Variants in TMEM45B observed in about 807,000 individuals in gnomAD.
TMEM45B encodes transmembrane protein 45B.
TMEM45B carries 29 observed loss-of-function variants against 27.3 expected under a neutral mutation model. The observed-to-expected ratio is 1.06, with a 90% CI of 0.79 to 1.45. The LOEUF (loss-of-function observed/expected upper bound fraction) is 1.45. Ranked by LOEUF, TMEM45B falls within the 40% of genes most tolerant of loss-of-function variation. The probability of loss-of-function intolerance (pLI) is 0.00; values close to 1 mark genes in which losing one functional copy is unlikely to be tolerated. For missense variants in TMEM45B, 348 were observed against 343.9 expected, an observed-to-expected ratio of 1.01 and a Z score of -0.09; for synonymous variants, 143 against 134.7, an observed-to-expected ratio of 1.06 and a Z score of -0.43.
rs1416619188 is a variant in TMEM45B, at chr11:129,859,272, T to C, written c.*587T>C. Reference sequence around the variant, plus strand: ...CAGGGTACTGCAATACCACTGTTTATAAGTGACAAAATTAGGCCAAAGGTG... The same window carrying C: ...CAGGGTACTGCAATACCACTGTTTACAAGTGACAAAATTAGGCCAAAGGTG... On this transcript the variant is annotated 3_prime_UTR_variant, in exon 6 of 6. Transcript: ENST00000281441. The C allele has an allele frequency of 1.3e-5, 2 of 152,190 alleles. No individual in the cohort carries two copies. The highest frequency in any genetic ancestry group is 2.1e-4 in the South Asian group (1 of 4,830). 9.4% of individuals were successfully genotyped at this position (152,190 alleles called of 1,614,324 possible).
intron 1 of TMEM45B, among the ~76,000 whole-genome samples, chr11:129,835,084 A>G (rs1383999931): frequency 6.6e-6 from 1 of 152,212 alleles, no homozygotes; most frequent in African/African-American, 2.4e-5. Flanking sequence ...TTTCTAAGCA[A>G]AGTACTGAAG....
chr11:129,851,807 G>A (rs1182508264), intron 1 of TMEM45B, among the ~76,000 whole-genome samples: 1 of 152,104 alleles, frequency 6.6e-6, no homozygotes, highest in Non-Finnish European at 1.5e-5. Flanking sequence ...TGTTTACATC[G>A]TTATGCTGAT....
At chr11:129,846,273 G>T (rs146947435) in intron 1 of TMEM45B, among the ~76,000 whole-genome samples, 19 of 152,300 alleles carry the variant, frequency 1.2e-4, no homozygotes, top group African/African-American at 4.6e-4. Context: ...TTCAAGACCA[G>T]CCTGGTCAAC....
chr11:129,829,448 A>C (rs1295107328), intron 1 of TMEM45B, among the ~76,000 whole-genome samples: 3 of 152,226 alleles, frequency 2.0e-5, no homozygotes, highest in Non-Finnish European at 2.9e-5. Flanking sequence ...CAATCTGACA[A>C]AATTTTAAGA....
At chr11:129,828,498 G>A (rs1283451262) in intron 1 of TMEM45B, among the ~76,000 whole-genome samples, 2 of 152,136 alleles carry the variant, frequency 1.3e-5, no homozygotes, top group Non-Finnish European at 2.9e-5. Flanking sequence ...TCAGGACTGC[G>A]GCCACAGTCA....
chr11:129,823,985 T>A (rs1027885428), intron 1 of TMEM45B, among the ~76,000 whole-genome samples: 1 of 152,212 alleles, frequency 6.6e-6, no homozygotes, highest in Non-Finnish European at 1.5e-5. Context: ...CTCCCCTACA[T>A]TGATCTACAA....
chr11:129,852,904 T>C (rs1947868700), intron 2 of TMEM45B: 2 of 363,622 alleles, frequency 5.5e-6, no homozygotes, highest in South Asian at 1.2e-4. Flanking sequence ...GACACAGGTA[T>C]GGAAAGTTGT....
chr11:129,853,657 G>T (rs1428409176), intron 2 of TMEM45B, among the ~76,000 whole-genome samples: 1 of 152,160 alleles, frequency 6.6e-6, no homozygotes, highest in African/African-American at 2.4e-5. Flanking sequence ...CACAAGCCAG[G>T]AAGTCACTGT....
intron 3 of TMEM45B, among the ~76,000 whole-genome samples, chr11:129,855,338 G>A (rs1452508690): frequency 2.0e-5 from 3 of 151,638 alleles, no homozygotes; most frequent in Non-Finnish European, 2.9e-5. Flanking sequence ...ACTGACTGGG[G>A]TATGAAAATA....
intron 1 of TMEM45B, among the ~76,000 whole-genome samples, chr11:129,849,958 T>C (rs1310336359): frequency 6.6e-6 from 1 of 152,180 alleles, no homozygotes; most frequent in Non-Finnish European, 1.5e-5. Flanking sequence ...CCCGTTCTCT[T>C]GATAACTAGC....
intron 1 of TMEM45B, among the ~76,000 whole-genome samples, chr11:129,825,989 G>GT (rs1277246593): frequency 0.014 from 2,084 of 146,884 alleles, 40 homozygotes; most frequent in African/African-American, 0.047. Flanking sequence ...GTTTTTTTTG[G>GT]TTTTTTTTTT....
intron 1 of TMEM45B, among the ~76,000 whole-genome samples, chr11:129,837,585 C>CTTTTTTTTTTTTTTTTTTTTTTT (rs200040338): frequency 0.02 from 1,637 of 80,114 alleles, 360 homozygotes; most frequent in East Asian, 0.044. Context: ...CTGCACTGGG[C>CTTTTTTTTTTTTTTTTTTTTTTT]TTTTTTTTTT....
chr11:129,833,249 ACAG>A (rs386758832), intron 1 of TMEM45B, among the ~76,000 whole-genome samples: 16 of 149,506 alleles, frequency 1.1e-4, no homozygotes, highest in East Asian at 8.0e-4. Context: ...CAAAAAATAA[ACAG>A]AAAAATAAAA....
At chr11:129,846,244 G>A (rs1947759091) in intron 1 of TMEM45B, among the ~76,000 whole-genome samples, 1 of 152,188 alleles carries the variant, frequency 6.6e-6, no homozygotes, top group South Asian at 2.1e-4. Context: ...AAGGCAGGTG[G>A]ATCACCTGAG....
chr11:129,852,785 T>A lies in TMEM45B; in HGVS notation c.178+125T>A, dbSNP rs56968077. On this transcript the variant is annotated intron_variant, in intron 2 of 5. Coordinates refer to ENST00000281441, the MANE Select transcript of TMEM45B (RefSeq NM_138788.5). Reference sequence around the variant, plus strand: ...AGATAATAGGGCAACAATTTCCTGATGGCCACTAGACTATTTTATCGTAAC... The same window carrying A: ...AGATAATAGGGCAACAATTTCCTGAAGGCCACTAGACTATTTTATCGTAAC... 1.8e-4 allele frequency: 172 copies of A among 980,120 alleles called. No individual in the cohort carries two copies. In the African/African-American group the frequency reaches 2.6e-3, roughly 15 times the overall value. 60.7% of individuals were successfully genotyped at this position (980,120 alleles called of 1,614,324 possible).
At chr11:129,825,650 G>T (rs1209980795) in intron 1 of TMEM45B, among the ~76,000 whole-genome samples, 2 of 152,194 alleles carry the variant, frequency 1.3e-5, no homozygotes, top group African/African-American at 4.8e-5. Context: ...ATGCAAGGAG[G>T]ACTGTTGAGT....
intron 1 of TMEM45B, among the ~76,000 whole-genome samples, chr11:129,841,751 C>T (rs1947697771): frequency 2.0e-5 from 3 of 151,850 alleles, no homozygotes; most frequent in Admixed American, 1.3e-4. Context: ...CACCCACTAC[C>T]ACGCCCGGCT....
At chr11:129,827,933 G>A (rs868547801) in intron 1 of TMEM45B, among the ~76,000 whole-genome samples, 14 of 152,074 alleles carry the variant, frequency 9.2e-5, no homozygotes, top group African/African-American at 2.4e-4. Context: ...TCGTGCCACC[G>A]CCCTCCAGCC....
At chr11:129,826,927 C>T (rs1340644568) in intron 1 of TMEM45B, 1 of 152,118 alleles carries the variant, frequency 6.6e-6, no homozygotes, top group Admixed American at 6.5e-5. Context: ...GATTTCCTGA[C>T]CTCGTGATCT....
Sources: allele counts gnomAD v4.1 joint callset (sites outside exome capture counted in the v4.1 genomes callset), GRCh38; gene constraint gnomAD v4.1.1; transcripts MANE v1.5; gene names NCBI Gene and HGNC (gene_info 2026-07-23, HGNC 2026-07-21).